SERPINE3: variants seen among roughly 807,000 people sequenced by gnomAD.
The protein encoded by SERPINE3 is serpin family E member 3, also known as serpin E3.
SERPINE3 carries 43 observed loss-of-function variants against 41.7 expected under a neutral mutation model. The ratio of observed to expected loss-of-function variants is 1.03; its 90% CI spans 0.81 to 1.33. SERPINE3 has a LOEUF of 1.33. SERPINE3 is among the 40% of genes most tolerant of loss of function. SERPINE3 has a pLI of 0.00. For missense variants in SERPINE3, 440 were observed against 491.7 expected (o/e 0.89, Z 0.99); for synonymous variants, 200 against 192.2 (o/e 1.04, Z -0.34).
chr13:51,361,224 G>A (rs1363321704), intron 7 of SERPINE3, 54 bp from the exon 8 acceptor site: 1 of 1,132,276 alleles, frequency 8.8e-7, no homozygotes, highest in Non-Finnish European at 1.3e-6. Flanking sequence ...TGTTCTAAAT[G>A]TGTTAGAAAA....
intron 7 of SERPINE3, 60 bp from the exon 8 acceptor site, chr13:51,361,218 C>T: frequency 9.2e-7 from 1 of 1,085,640 alleles, no homozygotes; most frequent in Non-Finnish European, 1.4e-6. Context: ...AGAATGTGTT[C>T]TAAATGTGTT....
chr13:51,343,030 C>T (rs995599772), intron 3 of SERPINE3, among the ~76,000 whole-genome samples: 4 of 152,068 alleles, frequency 2.6e-5, no homozygotes, highest in Non-Finnish European at 5.9e-5. Context: ...TGGCTGGGGA[C>T]CCTGGCCAGG....
Position 51,361,359 on chromosome 13 carries a change from C to CCA in SERPINE3, c.1085_1086dup (p.Ala363GlnfsTer6). The CCA allele has an allele frequency of 1.2e-6, 2 of 1,600,840 alleles. No homozygotes were observed. The highest frequency in any genetic ancestry group is 8.5e-7 in the Non-Finnish European group (1 of 1,169,646). ...GAGGAAGGCACCAAGGCATCTGGAG[C>CCA]CACAGGTATGTTCAGAGAATACCCA... is the stretch of plus-strand genomic sequence containing the variant. On this transcript the variant is annotated frameshift_variant, in exon 8 of 10. Transcript: ENST00000681248. LOFTEE classifies it high-confidence loss of function.
intron 5 of SERPINE3, among the ~76,000 whole-genome samples, chr13:51,347,922 G>C (rs1222163800): frequency 6.6e-6 from 1 of 151,724 alleles, no homozygotes; most frequent in Non-Finnish European, 1.5e-5. Context: ...AGGATAAGGG[G>C]GCACTACTCT....
chr13:51,349,611 G>T (rs1363201777), intron 6 of SERPINE3, among the ~76,000 whole-genome samples: 1 of 152,170 alleles, frequency 6.6e-6, no homozygotes, highest in Non-Finnish European at 1.5e-5. Flanking sequence ...CAGATGGTGG[G>T]ACTCATCCTC....
At chr13:51,350,200 G>A (rs1955390775) in intron 6 of SERPINE3, among the ~76,000 whole-genome samples, 1 of 152,084 alleles carries the variant, frequency 6.6e-6, no homozygotes, top group Non-Finnish European at 1.5e-5. Flanking sequence ...TGTGCTTTCA[G>A]GTTAGACATC....
In SERPINE3 at chr13:51,361,505, AAAG is replaced by A. The variant is rs544678874; in HGVS notation, c.1087+144_1087+146del. The stretch of plus-strand genomic sequence containing the variant: ...GTAGTATTTTTTAAAAAGGAACACT[AAAG>A]AAAACAAAAAGTTTTTGAAAAATGA... On this transcript the variant is annotated intron_variant, in intron 8 of 9. Coordinates refer to ENST00000681248, the MANE Select transcript of SERPINE3 (RefSeq NM_001386375.1). 7.4e-4 allele frequency: 472 copies of A among 638,106 alleles called. 2 individuals are homozygous for A. The East Asian group carries it at 9.3e-3, about 13-fold the overall frequency. 39.5% of individuals were successfully genotyped at this position (638,106 alleles called of 1,614,324 possible).
intron 5 of SERPINE3, 52 bp from the exon 6 acceptor site, chr13:51,348,161 C>T: frequency 7.1e-7 from 1 of 1,406,938 alleles, no homozygotes; most frequent in Non-Finnish European, 9.8e-7. Context: ...GACACTGGTT[C>T]ATTCTCCTGG....
intron 9 of SERPINE3, chr13:51,362,238 C>A: frequency 2.2e-6 from 1 of 446,224 alleles, no homozygotes; most frequent in Non-Finnish European, 3.7e-6. Context: ...CCTTTGTCCC[C>A]TAGCTTTCTT....
rs1955645057 is a variant in SERPINE3, at chr13:51,364,403, C to T, written c.*121C>T. On this transcript the variant is annotated 3_prime_UTR_variant, in exon 10 of 10. Coordinates refer to ENST00000681248, the MANE Select transcript of SERPINE3 (RefSeq NM_001386375.1). ...TAAAAAGCTAAGGGTATGTGATTTTCAATATTATAAACCTAAAAATACTTC... is the reference window on the plus strand; with the variant it reads ...TAAAAAGCTAAGGGTATGTGATTTTTAATATTATAAACCTAAAAATACTTC... 2 of 522,482 alleles carry T rather than the reference C, an allele frequency of 3.8e-6. No homozygotes were observed. Among genetic ancestry groups the T allele is most frequent in the Admixed American group, 3.8e-5 (1 of 26,548 alleles). 32.4% of individuals were successfully genotyped at this position (522,482 alleles called of 1,614,324 possible).
At chr13:51,343,833 A>C (rs1235077386) in intron 3 of SERPINE3, among the ~76,000 whole-genome samples, 1 of 152,214 alleles carries the variant, frequency 6.6e-6, no homozygotes, top group Non-Finnish European at 1.5e-5. Context: ...TCACTGTAAC[A>C]TTGCACATAA....
At chr13:51,345,228 A>G (rs1955334129) in intron 4 of SERPINE3, among the ~76,000 whole-genome samples, 1 of 152,184 alleles carries the variant, frequency 6.6e-6, no homozygotes, top group Non-Finnish European at 1.5e-5. Context: ...CCTCCTGCCC[A>G]GGGTCCACAG....
intron 7 of SERPINE3, among the ~76,000 whole-genome samples, chr13:51,360,479 T>C (rs998795274): frequency 3.3e-5 from 5 of 152,104 alleles, no homozygotes; most frequent in Admixed American, 3.3e-4. Flanking sequence ...TTTCATTTTT[T>C]ACTGTGTCAT....
At chr13:51,347,966 C>A (rs77370085) in intron 5 of SERPINE3, among the ~76,000 whole-genome samples, 67 of 151,376 alleles carry the variant, frequency 4.4e-4, no homozygotes, top group African/African-American at 1.6e-3. Context: ...TCCCCCCCCC[C>A]ATACCCAGTC....
At chr13:51,352,797 G>C (rs1955419465) in intron 6 of SERPINE3, among the ~76,000 whole-genome samples, 1 of 151,992 alleles carries the variant, frequency 6.6e-6, no homozygotes, top group East Asian at 1.9e-4. Context: ...ATGTTTGTTT[G>C]TTTTTAGTCA....
In SERPINE3 at chr13:51,343,775, G is replaced by A. The variant is rs116414922; in HGVS notation, c.257-477G>A. ...GTTGTGGGAATGGATTTAAAGCCCC[G>A]TACAAGACATATTGACAGCACAACA... is the stretch of plus-strand genomic sequence containing the variant. On this transcript the variant is annotated intron_variant, in intron 3 of 9. Coordinates refer to ENST00000681248, the MANE Select transcript of SERPINE3 (RefSeq NM_001386375.1). 8.5e-3 allele frequency among the ~76,000 whole-genome samples: 1,293 copies of A among 152,226 alleles called. 16 individuals are homozygous for A. The highest frequency in any genetic ancestry group is 0.029 in the African/African-American group (1,184 of 41,508).
intron 4 of SERPINE3, among the ~76,000 whole-genome samples, chr13:51,345,954 A>G (rs1955342042): frequency 6.6e-6 from 1 of 152,166 alleles, no homozygotes; most frequent in South Asian, 2.1e-4. Context: ...CTAGGGTTCT[A>G]TTTCAATGCA....
intron 6 of SERPINE3, among the ~76,000 whole-genome samples, chr13:51,353,346 T>C (rs748044571): frequency 6.6e-6 from 1 of 152,232 alleles, no homozygotes; most frequent in Non-Finnish European, 1.5e-5. Flanking sequence ...GCATGGGCTG[T>C]GCTGGGGATT....
In SERPINE3 at chr13:51,364,367, C is replaced by A; in HGVS notation, c.*85C>A. The A allele has an allele frequency of 1.4e-6, 1 of 720,988 alleles. No individual in the cohort carries two copies. The highest frequency in any genetic ancestry group is 2.2e-6 in the Non-Finnish European group (1 of 459,830). The allele number at this position is 720,988 out of a possible 1,614,324, so 44.7% of individuals were successfully genotyped here. ...ATACCCTTGAAATTTAAAAAAATGT[C>A]TGATAAAGTGTAAAAAGCTAAGGGT... On this transcript the variant is annotated 3_prime_UTR_variant, in exon 10 of 10. Transcript: ENST00000681248.
Sources: gnomAD v4.1 joint callset for allele counts (sites outside exome capture counted in the v4.1 genomes callset) on GRCh38, gnomAD v4.1.1 for gene constraint, MANE v1.5 for transcripts, NCBI Gene and HGNC (gene_info 2026-07-23, HGNC 2026-07-21) for gene names.